The following LDLRAD4 variants were observed in gnomAD, a reference collection of about 807,000 sequenced individuals.
LDLRAD4 encodes the protein low-density lipoprotein receptor class A domain-containing protein 4.
A neutral mutation model predicts 17.0 loss-of-function variants in LDLRAD4; 5 were observed. The observed-to-expected ratio is 0.29, with a 90% confidence interval of 0.15 to 0.62. The LOEUF (loss-of-function observed/expected upper bound fraction) is 0.62, where lower values mean the gene tolerates loss of function less well. Ranked by LOEUF, LDLRAD4 falls within the 20% of genes least tolerant of loss-of-function variation. The pLI is 0.84. For missense variants in LDLRAD4, 340 were observed against 424.7 expected, an observed-to-expected ratio of 0.80 and a Z score of 1.75; for synonymous variants, 168 against 171.8, an observed-to-expected ratio of 0.98 and a Z score of 0.17.
chr18:13,642,674 G>A (rs1243640651), intron 4 of LDLRAD4: 1 of 1,231,574 alleles, frequency 8.1e-7, no homozygotes. Context: ...ACCTCTGCCA[G>A]GGCTTCCTCA....
At chr18:13,472,855 A>G (rs1173085305) in intron 3 of LDLRAD4, 1 of 152,252 alleles carries the variant, frequency 6.6e-6, no homozygotes, top group Admixed American at 6.5e-5. Flanking sequence ...ACATCTGAGC[A>G]AACACGTACC....
At chr18:13,593,055 C>T (rs542097752) in intron 3 of LDLRAD4, among the ~76,000 whole-genome samples, 5 of 152,290 alleles carry the variant, frequency 3.3e-5, no homozygotes, top group Admixed American at 6.5e-5. Flanking sequence ...CAGTGGCTCA[C>T]GCCTGTAAGC....
chr18:13,400,535 A>C (rs1229903812), intron 2 of LDLRAD4, among the ~76,000 whole-genome samples: 3 of 152,294 alleles, frequency 2.0e-5, no homozygotes, highest in African/African-American at 7.2e-5. Context: ...ACACATGAGC[A>C]GCCCTGACTC....
intron 2 of LDLRAD4, among the ~76,000 whole-genome samples, chr18:13,404,784 C>T (rs2087572524): frequency 1.3e-5 from 2 of 148,512 alleles, no homozygotes; most frequent in Non-Finnish European, 1.5e-5. Flanking sequence ...GGCGACTGAG[C>T]GAAACTCCGT....
intron 3 of LDLRAD4, among the ~76,000 whole-genome samples, chr18:13,573,617 G>T (rs1348735276): frequency 6.6e-6 from 1 of 152,236 alleles, no homozygotes; most frequent in Non-Finnish European, 1.5e-5. Context: ...CTAGGAGCAT[G>T]CTGGGCTCAC....
At chr18:13,564,654 C>T (rs1046874531) in intron 3 of LDLRAD4, among the ~76,000 whole-genome samples, 4 of 149,970 alleles carry the variant, frequency 2.7e-5, no homozygotes, top group African/African-American at 7.4e-5. Context: ...GTGGCGAGTG[C>T]GGCAGGTGAG....
rs2044222969 is a variant in LDLRAD4 at position 13,266,443 on chromosome 18, G to A, written c.-466-11662G>A. Among the ~76,000 whole-genome samples, 5 of 152,226 alleles carry A rather than the reference G, an allele frequency of 3.3e-5. No individual in the cohort carries two copies. In the South Asian group the frequency reaches 1.0e-3, roughly 32 times the overall value. On this transcript the variant is annotated intron_variant, in intron 1 of 5. Coordinates refer to the LDLRAD4 transcript ENST00000399848. ...ACAACAGACACAGCCCGCTGAGGAAGGCACCCAACCCTGGGCTTGGCTTTC... is the reference window on the plus strand; with the variant it reads ...ACAACAGACACAGCCCGCTGAGGAAAGCACCCAACCCTGGGCTTGGCTTTC...
At chr18:13,408,544 C>G (rs1228643241) in intron 2 of LDLRAD4, among the ~76,000 whole-genome samples, 1 of 151,830 alleles carries the variant, frequency 6.6e-6, no homozygotes, top group Non-Finnish European at 1.5e-5. Flanking sequence ...GTGATATTGG[C>G]TCACTGCAAC....
chr18:13,590,057 GTGAC>G (rs892781339), intron 3 of LDLRAD4, among the ~76,000 whole-genome samples: 7 of 151,544 alleles, frequency 4.6e-5, no homozygotes, highest in African/African-American at 1.7e-4. Flanking sequence ...GTGCATGTGT[GTGAC>G]TGCATGTGTG....
intron 2 of LDLRAD4, among the ~76,000 whole-genome samples, chr18:13,421,639 G>A (rs562871595): frequency 3.3e-5 from 5 of 152,278 alleles, no homozygotes; most frequent in South Asian, 2.1e-4. Context: ...ACCCGTGGCT[G>A]CCCCTTACTT....
intron 1 of LDLRAD4, among the ~76,000 whole-genome samples, chr18:13,266,434 G>T (rs919235504): frequency 3.3e-5 from 5 of 152,202 alleles, no homozygotes; most frequent in Non-Finnish European, 7.3e-5. Context: ...GACACAGCCC[G>T]CTGAGGAAGG....
intron 2 of LDLRAD4, among the ~76,000 whole-genome samples, chr18:13,417,351 G>A (rs1600109004): frequency 6.6e-6 from 1 of 152,120 alleles, no homozygotes; most frequent in East Asian, 1.9e-4. Context: ...GGAAAACCAC[G>A]TGATTTGTTT....
chr18:13,419,107 G>T (rs1226558287), intron 2 of LDLRAD4, among the ~76,000 whole-genome samples: 1 of 152,190 alleles, frequency 6.6e-6, no homozygotes, highest in Admixed American at 6.5e-5. Context: ...GTCTGAAGGA[G>T]TTCCTTAAAT....
intron 3 of LDLRAD4, among the ~76,000 whole-genome samples, chr18:13,463,284 C>T (rs576604694): frequency 6.6e-6 from 1 of 152,294 alleles, no homozygotes; most frequent in East Asian, 1.9e-4. Flanking sequence ...TCTCTATTCC[C>T]TTCCTGTACC....
intron 1 of LDLRAD4, among the ~76,000 whole-genome samples, chr18:13,255,060 T>C (rs2043427933): frequency 1.3e-5 from 2 of 152,144 alleles, no homozygotes; most frequent in African/African-American, 4.8e-5. Context: ...GTAGAAAATA[T>C]GAAATATGAA....
intron 1 of LDLRAD4, among the ~76,000 whole-genome samples, chr18:13,260,030 G>A (rs2043727607): frequency 6.6e-6 from 1 of 152,240 alleles, no homozygotes; most frequent in African/African-American, 2.4e-5. Flanking sequence ...GGACCTCTCG[G>A]ATTTCTTGGG....
chr18:13,406,344 A>G (rs186002608), intron 2 of LDLRAD4, among the ~76,000 whole-genome samples: 2 of 152,206 alleles, frequency 1.3e-5, no homozygotes, highest in Non-Finnish European at 2.9e-5. Context: ...TGCAAGTCCT[A>G]GAAATGACAG....
intron 3 of LDLRAD4, among the ~76,000 whole-genome samples, chr18:13,565,395 C>CAGGG (rs377290858): frequency 1.3e-5 from 2 of 152,222 alleles, no homozygotes; most frequent in African/African-American, 4.8e-5. Flanking sequence ...GGGCCAGGGC[C>CAGGG]CGGCCGTGCT....
upstream of LDLRAD4, among the ~76,000 whole-genome samples, chr18:13,277,705 GT>G (rs556692357): frequency 7.9e-4 from 120 of 152,340 alleles, 1 homozygote; most frequent in Non-Finnish European, 9.3e-4. Flanking sequence ...CTGGATTGTC[GT>G]GAAAGAAGAT....
Sources: gnomAD v4.1 joint callset for allele counts (sites outside exome capture counted in the v4.1 genomes callset) on GRCh38, gnomAD v4.1.1 for gene constraint, MANE v1.5 for transcripts, NCBI Gene and HGNC (gene_info 2026-07-23, HGNC 2026-07-21) for gene names.